The following RPH3A variants were observed in gnomAD, a reference collection of about 807,000 sequenced individuals.
RPH3A encodes rabphilin 3A.
A neutral mutation model predicts 102.2 loss-of-function variants in RPH3A; 48 were observed. The ratio of observed to expected loss-of-function variants is 0.47; its 90% CI spans 0.37 to 0.60. The LOEUF (loss-of-function observed/expected upper bound fraction) is 0.60, where lower values mean the gene tolerates loss of function less well. RPH3A is among the 20% of genes least tolerant of loss of function. The pLI, the probability that RPH3A is intolerant of heterozygous loss-of-function variation, is 0.00. For missense variants in RPH3A, 781 were observed against 910.1 expected, an observed-to-expected ratio of 0.86 and a Z score of 1.83; for synonymous variants, 310 against 324.3, an observed-to-expected ratio of 0.96 and a Z score of 0.47.
At chr12:112,663,549 G>A (rs117875736) in intron 1 of RPH3A, among the ~76,000 whole-genome samples, 1,854 of 152,092 alleles carry the variant, frequency 0.012, 19 homozygotes, top group Non-Finnish European at 0.019. Flanking sequence ...TAGAGACAGC[G>A]TCTCACTATG....
At chr12:112,819,052 G>T (rs1368601158) in intron 2 of RPH3A, among the ~76,000 whole-genome samples, 1 of 151,686 alleles carries the variant, frequency 6.6e-6, no homozygotes, top group African/African-American at 2.4e-5. Flanking sequence ...ATATATTTGA[G>T]ATATGTATAT....
chr12:112,783,923 A>T (rs1272085147), intron 1 of RPH3A, among the ~76,000 whole-genome samples: 2 of 152,196 alleles, frequency 1.3e-5, no homozygotes, highest in African/African-American at 4.8e-5. Context: ...CACAGCAGAG[A>T]TGAGGAATCT....
chr12:112,783,219 T>C (rs1001365270), intron 1 of RPH3A, among the ~76,000 whole-genome samples: 5 of 152,190 alleles, frequency 3.3e-5, no homozygotes, highest in African/African-American at 1.2e-4. Context: ...GAAATCTCCT[T>C]GGAGGAGAGA....
At chr12:112,762,060 G>GA (rs1825450251) in intron 1 of RPH3A, among the ~76,000 whole-genome samples, 1 of 152,184 alleles carries the variant, frequency 6.6e-6, no homozygotes, top group South Asian at 2.1e-4. Flanking sequence ...GAGATGTGTG[G>GA]AATCAGTGGA....
intron 1 of RPH3A, among the ~76,000 whole-genome samples, chr12:112,726,979 C>T (rs1245260209): frequency 2.0e-5 from 3 of 151,966 alleles, no homozygotes; most frequent in Non-Finnish European, 4.4e-5. Context: ...GCCGAGACTG[C>T]GCCACTGCAC....
intron 1 of RPH3A, among the ~76,000 whole-genome samples, chr12:112,749,766 G>T (rs2040773599): frequency 6.6e-6 from 1 of 152,164 alleles, no homozygotes; most frequent in Non-Finnish European, 1.5e-5. Flanking sequence ...CTTCTTTAAA[G>T]AAGAGCTTAT....
chr12:112,610,853 G>C (rs1351394449), intron 1 of RPH3A, among the ~76,000 whole-genome samples: 1 of 152,134 alleles, frequency 6.6e-6, no homozygotes, highest in African/African-American at 2.4e-5. Context: ...AGCCAGGATG[G>C]TCTCGATCTC....
intron 1 of RPH3A, among the ~76,000 whole-genome samples, chr12:112,766,202 T>C (rs767049044): frequency 1.3e-5 from 2 of 152,194 alleles, no homozygotes; most frequent in African/African-American, 2.4e-5. Flanking sequence ...TGTGTGAAGT[T>C]GAACTCGTTC....
intron 1 of RPH3A, among the ~76,000 whole-genome samples, chr12:112,654,088 G>T (rs1434145767): frequency 6.6e-6 from 1 of 152,168 alleles, no homozygotes. Flanking sequence ...CCTCTCCTAT[G>T]ATAACAATCC....
intron 2 of RPH3A, among the ~76,000 whole-genome samples, chr12:112,815,365 G>A (rs1421174757): frequency 6.6e-6 from 1 of 152,196 alleles, no homozygotes; most frequent in Non-Finnish European, 1.5e-5. Flanking sequence ...AATAGAGCAG[G>A]AGAGTCAGGA....
chr12:112,588,375 G>T (rs550138813), intron 1 of RPH3A, among the ~76,000 whole-genome samples: 11 of 149,528 alleles, frequency 7.4e-5, no homozygotes, highest in African/African-American at 1.2e-4. Context: ...AGGAGCAAAG[G>T]CATGTCTTAC....
intron 1 of RPH3A, among the ~76,000 whole-genome samples, chr12:112,756,317 A>G (rs1362712517): frequency 6.6e-6 from 1 of 152,090 alleles, no homozygotes; most frequent in African/African-American, 2.4e-5. Flanking sequence ...GGTTCAAACA[A>G]TTCTCCTGCC....
At chr12:112,607,946 A>G (rs1386198690) in intron 1 of RPH3A, among the ~76,000 whole-genome samples, 1 of 152,162 alleles carries the variant, frequency 6.6e-6, no homozygotes, top group Non-Finnish European at 1.5e-5. Flanking sequence ...TCCCTCTGGC[A>G]TCGAATACAG....
chr12:112,735,084 C>A (rs1455127547), intron 1 of RPH3A, among the ~76,000 whole-genome samples: 4 of 152,236 alleles, frequency 2.6e-5, no homozygotes, highest in African/African-American at 9.6e-5. Flanking sequence ...ACCTCTGACA[C>A]AAGCTCCCAA....
At chr12:112,620,228 C>T (rs1411397151) in intron 1 of RPH3A, among the ~76,000 whole-genome samples, 2 of 152,292 alleles carry the variant, frequency 1.3e-5, no homozygotes, top group South Asian at 2.1e-4. Flanking sequence ...TATCCCTAAG[C>T]CAACATGTTT....
chr12:112,639,329 G>A lies in RPH3A; in HGVS notation c.-140+64010G>A, dbSNP rs558869631. The stretch of plus-strand genomic sequence containing the variant: ...ATCCTATGCAGCCATAAAAAGGAAC[G>A]AGATCATGTCCTTTGCAGGCTATGG... On this transcript the variant is annotated intron_variant, in intron 1 of 21. Transcript: ENST00000543106. 7.9e-4 allele frequency among the ~76,000 whole-genome samples: 121 copies of A among 152,300 alleles called. 1 individual carries two copies. Among genetic ancestry groups the A allele is most frequent in the South Asian group, 7.5e-3 (36 of 4,822 alleles).
chr12:112,676,109 T>C (rs1436116797), intron 1 of RPH3A, among the ~76,000 whole-genome samples: 1 of 152,104 alleles, frequency 6.6e-6, no homozygotes. Flanking sequence ...AGAAATATCC[T>C]GGCTTCTCCC....
At chr12:112,767,818 G>A (rs1197834145) in intron 1 of RPH3A, among the ~76,000 whole-genome samples, 1 of 152,084 alleles carries the variant, frequency 6.6e-6, no homozygotes, top group Non-Finnish European at 1.5e-5. Flanking sequence ...GCTACATCAC[G>A]ATGAACCTTA....
At chr12:112,821,155 C>A (rs2041771400) in intron 2 of RPH3A, among the ~76,000 whole-genome samples, 2 of 152,266 alleles carry the variant, frequency 1.3e-5, no homozygotes, top group South Asian at 2.1e-4. Flanking sequence ...GGCGGGCAGG[C>A]AAGTGAAGGG....
Sources: allele counts gnomAD v4.1 joint callset (sites outside exome capture counted in the v4.1 genomes callset), GRCh38; gene constraint gnomAD v4.1.1; transcripts MANE v1.5; gene names NCBI Gene and HGNC (gene_info 2026-07-23, HGNC 2026-07-21).